The following DMD variants were observed in gnomAD, a reference collection of about 807,000 sequenced individuals.
DMD encodes the protein dystrophin, also known as mutant dystrophin.
A neutral mutation model predicts 330.1 loss-of-function variants in DMD; 63 were observed. The ratio of observed to expected loss-of-function variants is 0.19; its 90% confidence interval spans 0.16 to 0.24. The LOEUF (loss-of-function observed/expected upper bound fraction) is 0.24. DMD is among the 10% of genes least tolerant of loss of function. The pLI, the probability that DMD is intolerant of heterozygous loss-of-function variation, is 1.00. For missense variants in DMD, 3,344 were observed against 2,684.1 expected (o/e 1.25, Z -5.43); for synonymous variants, 1,223 against 959.8 (o/e 1.27, Z -5.07).
chrX:31,157,167 C>G (rs981327434), intron 74 of DMD, among the ~76,000 whole-genome samples: 3 of 111,675 alleles, frequency 2.7e-5, no homozygotes, highest in Non-Finnish European at 5.6e-5. Flanking sequence ...TAGGTGGAGT[C>G]TATTTTCTGG....
At chrX:31,371,807 G>A (rs2059588728) in intron 60 of DMD, among the ~76,000 whole-genome samples, 1 of 112,150 alleles carries the variant, frequency 8.9e-6, no homozygotes, top group Non-Finnish European at 1.9e-5. Flanking sequence ...CCCGATCTTG[G>A]TGACAATGTT....
chrX:32,858,068 G>A (rs2081737741), intron 2 of DMD, among the ~76,000 whole-genome samples: 1 of 110,280 alleles, frequency 9.1e-6, no homozygotes, highest in Admixed American at 9.7e-5. Context: ...CAGAGTCAAT[G>A]ATATATTAAA....
chrX:31,243,933 G>A (rs1357352761), intron 63 of DMD, among the ~76,000 whole-genome samples: 1 of 108,088 alleles, frequency 9.3e-6, no homozygotes, highest in Non-Finnish European at 1.9e-5. Flanking sequence ...CTTTAATTGC[G>A]TCTTGGCCAG....
intron 12 of DMD, among the ~76,000 whole-genome samples, chrX:32,599,661 T>G (rs1397914944): frequency 8.9e-6 from 1 of 111,745 alleles, no homozygotes; most frequent in Non-Finnish European, 1.9e-5. Context: ...ACCTTCAAAT[T>G]AAAATATTGT....
chrX:32,783,404 C>A (rs935858098), intron 7 of DMD, among the ~76,000 whole-genome samples: 22 of 103,111 alleles, frequency 2.1e-4, no homozygotes, highest in Non-Finnish European at 3.8e-4. Flanking sequence ...TACACACACA[C>A]CCCTAGTATG....
chrX:32,037,572 C>G (rs2095959352), intron 44 of DMD, among the ~76,000 whole-genome samples: 1 of 111,482 alleles, frequency 9.0e-6, no homozygotes, highest in Non-Finnish European at 1.9e-5. Context: ...GAAAGACACA[C>G]AAAGTGTAAC....
chrX:31,663,855 T>C (rs6631360), intron 53 of DMD, among the ~76,000 whole-genome samples: 14,421 of 111,284 alleles, frequency 0.13, 752 homozygotes, highest in Admixed American at 0.22. Flanking sequence ...AGGCAGATAT[T>C]CACTCATTAT....
At chrX:31,670,188 T>C (rs2081670984) in intron 53 of DMD, among the ~76,000 whole-genome samples, 1 of 112,069 alleles carries the variant, frequency 8.9e-6, no homozygotes. Context: ...TCTAATATTT[T>C]TTCATAGATT....
At chrX:32,820,702 C>G (rs888041686) in intron 5 of DMD, among the ~76,000 whole-genome samples, 1 of 111,337 alleles carries the variant, frequency 9.0e-6, no homozygotes, top group Non-Finnish European at 1.9e-5. Context: ...TTACGCAAAG[C>G]GGGATCTGCA....
chrX:33,139,694 T>A (rs772852657), intron 1 of DMD, among the ~76,000 whole-genome samples: 1 of 109,367 alleles, frequency 9.1e-6, no homozygotes, highest in Non-Finnish European at 1.9e-5. Flanking sequence ...CCCCCTTCAT[T>A]TCCACCATGA....
At chrX:32,658,995 G>A (rs1296286533) in intron 9 of DMD, among the ~76,000 whole-genome samples, 1 of 111,873 alleles carries the variant, frequency 8.9e-6, no homozygotes. Flanking sequence ...ACAACATACA[G>A]CGATTGTATT....
chrX:31,984,136 G>A (rs2095494843), intron 44 of DMD, among the ~76,000 whole-genome samples: 1 of 112,193 alleles, frequency 8.9e-6, no homozygotes. Flanking sequence ...GAAAAAAGAT[G>A]ATTCGATACT....
intron 42 of DMD, among the ~76,000 whole-genome samples, chrX:32,301,557 C>A (rs985937811): frequency 1.1e-4 from 12 of 110,458 alleles, no homozygotes; most frequent in African/African-American, 2.9e-4. Context: ...CTTGACAATT[C>A]ATAAGGTTCA....
intron 1 of DMD, among the ~76,000 whole-genome samples, chrX:33,096,322 G>T (rs1421120127): frequency 9.0e-6 from 1 of 111,100 alleles, no homozygotes; most frequent in African/African-American, 3.3e-5. Context: ...GATTTAAAAA[G>T]CTCTTTGTGA....
chrX:32,796,720 A>G (rs1273140963), intron 7 of DMD, among the ~76,000 whole-genome samples: 2 of 112,035 alleles, frequency 1.8e-5, no homozygotes, highest in Non-Finnish European at 3.8e-5. Flanking sequence ...ATGTACATAT[A>G]TGTAAAACGT....
intron 1 of DMD, among the ~76,000 whole-genome samples, chrX:33,217,326 G>A (rs2052075570): frequency 9.0e-6 from 1 of 111,567 alleles, no homozygotes; most frequent in African/African-American, 3.2e-5. Flanking sequence ...ATGTTTCACT[G>A]ATGTTTTGAT....
At chrX:32,845,801 G>A (rs1179960060) in intron 3 of DMD, among the ~76,000 whole-genome samples, 3 of 112,136 alleles carry the variant, frequency 2.7e-5, no homozygotes, top group African/African-American at 9.7e-5. Flanking sequence ...TAATCTCCCT[G>A]TATACCAGTT....
chrX:31,510,152 T>C (rs2071348001), intron 55 of DMD, among the ~76,000 whole-genome samples: 1 of 111,766 alleles, frequency 8.9e-6, no homozygotes, highest in Non-Finnish European at 1.9e-5. Context: ...TAGTTATTCC[T>C]CCCCCTGGCT....
chrX:32,750,810 A>G (rs2070712380), intron 7 of DMD, among the ~76,000 whole-genome samples: 1 of 111,381 alleles, frequency 9.0e-6, no homozygotes, highest in Non-Finnish European at 1.9e-5. Context: ...ATGAATTCCC[A>G]CATGTTGTAG....
Sources: allele counts gnomAD v4.1 joint callset (sites outside exome capture counted in the v4.1 genomes callset), GRCh38; gene constraint gnomAD v4.1.1; transcripts MANE v1.5; gene names NCBI Gene and HGNC (gene_info 2026-07-23, HGNC 2026-07-21).